The following CLTRN variants were observed in gnomAD, a reference collection of about 807,000 sequenced individuals.
The protein encoded by CLTRN is collectrin, amino acid transport regulator.
Under a neutral mutation model 14.5 loss-of-function variants are expected in CLTRN, and 12 were observed. The ratio of observed to expected loss-of-function variants is 0.83; its 90% CI spans 0.53 to 1.34. The LOEUF (loss-of-function observed/expected upper bound fraction) is 1.34. Among genes scored for constraint, CLTRN ranks in the 40% most tolerant of loss-of-function variants. The pLI is 0.00. For missense variants in CLTRN, 154 were observed against 165.1 expected (o/e 0.93, Z 0.37); for synonymous variants, 58 against 56.5 (o/e 1.03, Z -0.12).
chrX:15,641,536 G>C (rs142076088), intron 4 of CLTRN, among the ~76,000 whole-genome samples: 1,937 of 110,593 alleles, frequency 0.018, 40 homozygotes, highest in African/African-American at 0.06. Flanking sequence ...AGACAGGAAC[G>C]ATCATGGTTC....
chrX:15,655,013 T>G (rs762853228), intron 3 of CLTRN, among the ~76,000 whole-genome samples: 1 of 112,363 alleles, frequency 8.9e-6, no homozygotes, highest in Non-Finnish European at 1.9e-5. Context: ...GTGGCTTTCC[T>G]GTCACTTCCG....
upstream of CLTRN, among the ~76,000 whole-genome samples, chrX:15,675,316 G>A (rs750511961): frequency 8.9e-6 from 1 of 111,999 alleles, no homozygotes; most frequent in East Asian, 2.8e-4. Flanking sequence ...GTGGAAAAGT[G>A]GCCACAGATG....
At chrX:15,634,789 G>T (rs1928777254) in intron 5 of CLTRN, among the ~76,000 whole-genome samples, 1 of 71,876 alleles carries the variant, frequency 1.4e-5, no homozygotes, top group Non-Finnish European at 2.5e-5. Flanking sequence ...GTTGTGGGGT[G>T]GGGGGAGGGG....
intron 2 of CLTRN, among the ~76,000 whole-genome samples, chrX:15,661,764 G>C (rs919199668): frequency 8.9e-6 from 1 of 112,561 alleles, no homozygotes; most frequent in African/African-American, 3.2e-5. Context: ...TACCTGTTGT[G>C]CGTATACTTG....
chrX:15,662,778 C>T (rs1236340070), intron 2 of CLTRN, among the ~76,000 whole-genome samples: 1 of 111,750 alleles, frequency 8.9e-6, no homozygotes, highest in Non-Finnish European at 1.9e-5. Flanking sequence ...ACACAATGAA[C>T]ATTTTTCAGT....
chrX:15,637,411 A>G (rs1449176204), intron 5 of CLTRN, among the ~76,000 whole-genome samples: 1 of 111,839 alleles, frequency 8.9e-6, no homozygotes, highest in Non-Finnish European at 1.9e-5. Context: ...AACTTAAAAC[A>G]CAACAAACAA....
chrX:15,661,347 A>G (rs1170327593), intron 2 of CLTRN, among the ~76,000 whole-genome samples: 1 of 112,220 alleles, frequency 8.9e-6, no homozygotes, highest in African/African-American at 3.2e-5. Flanking sequence ...CATCTCAAAA[A>G]CAAGAGCATA....
Position 15,656,504 on chromosome X carries a change from A to G in CLTRN, c.203+2512T>C, listed in dbSNP as rs1471199239. ...GGGGAGACAATAAACAGCCAGTCCCAAAACTTGGATCCTGAAGCTATCCTG... is the reference window on the plus strand; with the variant it reads ...GGGGAGACAATAAACAGCCAGTCCCGAAACTTGGATCCTGAAGCTATCCTG... On this transcript the variant is annotated intron_variant, in intron 3 of 5. Transcript: ENST00000380342. Among the ~76,000 whole-genome samples the G allele has an allele frequency of 1.1e-4, 12 of 111,636 alleles. No homozygotes were observed. The Admixed American group carries it at 1.1e-3, about 11-fold the overall frequency.
At chrX:15,665,443 T>C (rs1472885370), upstream of CLTRN, among the ~76,000 whole-genome samples, 2 of 112,421 alleles carry the variant, frequency 1.8e-5, no homozygotes, top group South Asian at 3.7e-4. Context: ...AATTTACCTA[T>C]ACAACAAAAC....
chrX:15,665,364 T>A (rs747404600), upstream of CLTRN, among the ~76,000 whole-genome samples: 2 of 111,822 alleles, frequency 1.8e-5, no homozygotes, highest in Non-Finnish European at 3.8e-5. Context: ...ATCGAAAAAC[T>A]ACCTATCGAA....
At chrX:15,630,016 T>C (rs1452964117) in intron 5 of CLTRN, among the ~76,000 whole-genome samples, 1 of 111,121 alleles carries the variant, frequency 9.0e-6, no homozygotes, top group Non-Finnish European at 1.9e-5. Flanking sequence ...CAGCACAGAG[T>C]AGGCATTCAA....
In CLTRN at chrX:15,664,711, T is replaced by A; in HGVS notation, c.58+7A>T. 8.3e-7 allele frequency: 1 copy of A among 1,201,031 alleles called. No individual in the cohort carries two copies. The highest frequency in any genetic ancestry group is 1.7e-5 in the African/African-American group (1 of 57,414). On this transcript the variant is annotated splice_region_variant and intron_variant, in intron 1 of 5. Transcript: ENST00000380342. The stretch of plus-strand genomic sequence containing the variant: ...TTCATCTATTTTTAAATTTCAAGGC[T>A]ACATACCTGGTTGACAGAGTTCAGC...
At chrX:15,649,196 G>A (rs987456620) in intron 3 of CLTRN, among the ~76,000 whole-genome samples, 9 of 111,027 alleles carry the variant, frequency 8.1e-5, no homozygotes, top group Non-Finnish European at 1.7e-4. Context: ...TAAAAGGAAG[G>A]GCATACAACT....
chrX:15,661,340 C>T (rs1929502082), intron 2 of CLTRN, among the ~76,000 whole-genome samples: 1 of 112,230 alleles, frequency 8.9e-6, no homozygotes, highest in African/African-American at 3.2e-5. Flanking sequence ...ATTTGTTCAT[C>T]TCAAAAACAA....
At chrX:15,657,056 T>C (rs1601734019) in intron 3 of CLTRN, among the ~76,000 whole-genome samples, 1 of 109,916 alleles carries the variant, frequency 9.1e-6, no homozygotes. Flanking sequence ...TGGAGTGCAG[T>C]GGCACCATCA....
At chrX:15,666,417 C>T (rs2147216630), upstream of CLTRN, among the ~76,000 whole-genome samples, 1 of 111,725 alleles carries the variant, frequency 9.0e-6, no homozygotes, top group African/African-American at 3.3e-5. Context: ...ATTCAGTCCC[C>T]AAATTCCACC....
intron 5 of CLTRN, among the ~76,000 whole-genome samples, chrX:15,637,306 T>C (rs936420719): frequency 2.7e-5 from 3 of 111,747 alleles, no homozygotes; most frequent in Non-Finnish European, 5.6e-5. Context: ...GGGCTTTCAT[T>C]GCAATTTTCA....
chrX:15,646,754 T>G, intron 3 of CLTRN: 1 of 339,255 alleles, frequency 2.9e-6, no homozygotes, highest in Non-Finnish European at 5.9e-6. Flanking sequence ...TCTCTGAGGC[T>G]CGCCTGGCCT....
chrX:15,671,816 A>G (rs5936009), intron 1 of CLTRN, among the ~76,000 whole-genome samples: 22,770 of 106,934 alleles, frequency 0.21, 1,917 homozygotes, highest in East Asian at 0.52. Flanking sequence ...TGATGTTACA[A>G]TCTTTTGGTA....
Sources: allele counts gnomAD v4.1 joint callset (sites outside exome capture counted in the v4.1 genomes callset), GRCh38; gene constraint gnomAD v4.1.1; transcripts MANE v1.5; gene names NCBI Gene and HGNC (gene_info 2026-07-23, HGNC 2026-07-21).